Variants in PALD1 observed in about 807,000 individuals in gnomAD.
The protein encoded by PALD1 is paladin.
A neutral mutation model predicts 96.0 loss-of-function variants in PALD1; 57 were observed. That is an observed-to-expected ratio of 0.59 (90% CI 0.48 to 0.74). The LOEUF (loss-of-function observed/expected upper bound fraction) is 0.74. PALD1 is among the 30% of genes least tolerant of loss of function. The probability of loss-of-function intolerance (pLI) is 0.00; values close to 1 mark genes in which losing one functional copy is unlikely to be tolerated. For missense variants in PALD1, 1,063 were observed against 1,143.7 expected, an observed-to-expected ratio of 0.93 and a Z score of 1.02; for synonymous variants, 464 against 473.6, an observed-to-expected ratio of 0.98 and a Z score of 0.26.
At chr10:70,531,852 G>A (rs537027976) in intron 5 of PALD1, among the ~76,000 whole-genome samples, 132 of 152,022 alleles carry the variant, frequency 8.7e-4, no homozygotes, top group African/African-American at 2.8e-3. Context: ...ACGTGCTTGC[G>A]CATGCCTATA....
the PALD1 span, among the ~76,000 whole-genome samples, chr10:70,469,316 C>G: frequency 6.6e-6 from 1 of 152,180 alleles, no homozygotes; most frequent in Non-Finnish European, 1.5e-5. Flanking sequence ...TGGGCGGAGC[C>G]TGGGAGTCTG....
intron 1 of PALD1, among the ~76,000 whole-genome samples, chr10:70,507,749 G>A: frequency 1.3e-5 from 1 of 77,436 alleles, no homozygotes; most frequent in African/African-American, 4.3e-5. Flanking sequence ...TTTTGTGTGT[G>A]CGTGTGTGTG....
rs200430747 is a variant in PALD1 at position 70,539,753 on chromosome 10, C to G, written c.1899C>G (p.Pro633=). The G allele has an allele frequency of 2.9e-4, 473 of 1,610,018 alleles. 4 individuals carry two copies. In the East Asian group the frequency reaches 9.5e-3, roughly 32 times the overall value. The change falls in exon 15 of 20, where the codon CCC becomes CCG. Residue 633 remains proline, a synonymous_variant. Coordinates refer to ENST00000263563, the MANE Select transcript of PALD1 (RefSeq NM_014431.3). The surrounding 1 kb of genome is among the most constrained non-coding windows in gnomAD (Gnocchi z 4.5). ...HRIPMPDFCA[P]REEDFDQLLE... ...TCCCCATGCCGGACTTCTGTGCCCC[C>G]CGAGAGGAGGTGAGGGTGCTGCTCA...
intron 1 of PALD1, among the ~76,000 whole-genome samples, chr10:70,500,129 A>T (rs2132290702): frequency 6.6e-6 from 1 of 152,312 alleles, no homozygotes; most frequent in Middle Eastern, 3.4e-3. Context: ...CACAGTCTGC[A>T]TTCAACGCCC....
intron 1 of PALD1, among the ~76,000 whole-genome samples, chr10:70,521,263 C>T (rs10762390): frequency 0.56 from 84,991 of 151,306 alleles, 26,355 homozygotes; most frequent in South Asian, 0.72. Flanking sequence ...GGTGCTTTTG[C>T]TGCTAGGGTC....
At chr10:70,519,125 A>G (rs1035676090) in intron 1 of PALD1, among the ~76,000 whole-genome samples, 1 of 152,100 alleles carries the variant, frequency 6.6e-6, no homozygotes, top group South Asian at 2.1e-4. Flanking sequence ...TTTTTTGTAA[A>G]TGAGACAGAG....
chr10:70,503,621 G>A (rs1367417774), intron 1 of PALD1, among the ~76,000 whole-genome samples: 1 of 152,050 alleles, frequency 6.6e-6, no homozygotes, highest in South Asian at 2.1e-4. Context: ...GTGACAGAGC[G>A]AGACTCTGTC....
intron 2 of PALD1, among the ~76,000 whole-genome samples, chr10:70,527,354 T>C (rs1846889388): frequency 6.6e-6 from 1 of 152,010 alleles, no homozygotes; most frequent in Non-Finnish European, 1.5e-5. Flanking sequence ...GCACAGCACT[T>C]TTTGGGGGTG....
chr10:70,488,621 C>T (rs961773124), intron 1 of PALD1, among the ~76,000 whole-genome samples: 13 of 152,104 alleles, frequency 8.5e-5, no homozygotes, highest in Admixed American at 5.9e-4. Context: ...AGCTCAAACT[C>T]GGTCCATGGC....
chr10:70,507,770 T>C (rs1490344291), intron 1 of PALD1, among the ~76,000 whole-genome samples: 4 of 151,676 alleles, frequency 2.6e-5, no homozygotes, highest in Non-Finnish European at 4.4e-5. Flanking sequence ...TGTGTGTGTG[T>C]GTGTGTGTGT....
At chr10:70,542,080 C>T (rs1346819480) in intron 17 of PALD1, among the ~76,000 whole-genome samples, 1 of 152,134 alleles carries the variant, frequency 6.6e-6, no homozygotes, top group Non-Finnish European at 1.5e-5. Context: ...GACCCACAGT[C>T]AGCAGCACAG....
chr10:70,461,786 G>A, the PALD1 span, among the ~76,000 whole-genome samples: 9 of 151,956 alleles, frequency 5.9e-5, no homozygotes, highest in African/African-American at 2.2e-4. Context: ...TGATTTTTTT[G>A]TTTTTTGTTT....
intron 10 of PALD1, among the ~76,000 whole-genome samples, chr10:70,536,823 T>A (rs529090612): frequency 5.2e-4 from 79 of 152,322 alleles, no homozygotes; most frequent in African/African-American, 1.9e-3. Context: ...TGAATCTCAC[T>A]TGAATCTCAC....
chr10:70,508,028 G>A (rs931325437), intron 1 of PALD1, among the ~76,000 whole-genome samples: 1 of 152,178 alleles, frequency 6.6e-6, no homozygotes, highest in Non-Finnish European at 1.5e-5. Flanking sequence ...CTGATGCAGG[G>A]AGTGGGCTGG....
intron 18 of PALD1, among the ~76,000 whole-genome samples, chr10:70,554,137 A>G (rs1252945401): frequency 2.0e-5 from 3 of 152,118 alleles, no homozygotes; most frequent in African/African-American, 7.2e-5. Flanking sequence ...CATTTTAAGA[A>G]CTGCCTCAAG....
At chr10:70,525,842 G>A in intron 1 of PALD1, 81 bp from the exon 2 acceptor site, 10 of 1,097,460 alleles carry the variant, frequency 9.1e-6, no homozygotes, top group Non-Finnish European at 1.4e-5. Flanking sequence ...TCTCTGTATG[G>A]TGGAGGGCGA....
chr10:70,525,389 C>T (rs988965324), intron 1 of PALD1, among the ~76,000 whole-genome samples: 1 of 152,140 alleles, frequency 6.6e-6, no homozygotes, highest in Non-Finnish European at 1.5e-5. Flanking sequence ...TGATAGCTCA[C>T]CTAATCTGGA....
chr10:70,560,218 G>A (rs1847708958), intron 18 of PALD1, among the ~76,000 whole-genome samples: 1 of 152,198 alleles, frequency 6.6e-6, no homozygotes, highest in Non-Finnish European at 1.5e-5. Context: ...GTGGGGGCTT[G>A]TCATAGGCCT....
chr10:70,539,100 G>T lies in PALD1; in HGVS notation c.1578G>T (p.Gly526=). Residue 526 remains glycine (G), a synonymous_variant, in exon 14 of 20, where the codon GGG becomes GGT. Coordinates refer to ENST00000263563, the MANE Select transcript of PALD1 (RefSeq NM_014431.3). The surrounding 1 kb of genome is among the most constrained non-coding windows in gnomAD (Gnocchi z 4.5). ...GTAQPSAKAL[G]SILAYLTDAK... is the part of the protein sequence containing the mutation. ...GGCCCTCCTGTGCCCAGGCCCTGGG[G>T]AGCATCCTGGCCTACCTGACGGACG... 6.2e-7 allele frequency: 1 copy of T among 1,613,914 alleles called. No individual in the cohort carries two copies. The highest frequency in any genetic ancestry group is 8.5e-7 in the Non-Finnish European group (1 of 1,179,902).
Sources: allele counts gnomAD v4.1 joint callset (sites outside exome capture counted in the v4.1 genomes callset), GRCh38; gene constraint gnomAD v4.1.1; non-coding constraint Gnocchi (gnomAD v3.1); transcripts MANE v1.5; gene names NCBI Gene and HGNC (gene_info 2026-07-23, HGNC 2026-07-21).